Variants in PGM5 observed in about 807,000 individuals in gnomAD.
The protein encoded by PGM5 is phosphoglucomutase-like protein 5.
Under a neutral mutation model 59.2 loss-of-function variants are expected in PGM5, and 23 were observed. That is an observed-to-expected ratio of 0.39 (90% CI 0.28 to 0.55). PGM5 has a LOEUF of 0.55. Among genes scored for constraint, PGM5 ranks in the 20% least tolerant of loss-of-function variants. PGM5 has a pLI of 0.66. For missense variants in PGM5, 574 were observed against 748.3 expected (o/e 0.77, Z 2.72); for synonymous variants, 214 against 286.0 (o/e 0.75, Z 2.54).
chr9:68,481,113 T>C (rs1554687104), intron 8 of PGM5, among the ~76,000 whole-genome samples: 1 of 152,212 alleles, frequency 6.6e-6, no homozygotes, highest in African/African-American at 2.4e-5. Context: ...TTTCAAGAGC[T>C]TAAGGGACAG....
At chr9:68,497,662 A>T (rs1824503326) in intron 9 of PGM5, 1 of 152,260 alleles carries the variant, frequency 6.6e-6, no homozygotes, top group South Asian at 2.1e-4. Context: ...TTGAGGCCAG[A>T]GAAATTTCAA....
chr9:68,488,374 A>G (rs1824332954), intron 9 of PGM5, among the ~76,000 whole-genome samples: 1 of 152,374 alleles, frequency 6.6e-6, no homozygotes, highest in South Asian at 2.1e-4. Context: ...TGTTTCACAT[A>G]CATCTCCAGA....
Position 68,473,049 on chromosome 9 carries a change from T to A in PGM5, c.1160-6369T>A, listed in dbSNP as rs1824046864. ...TTGCTTTTTCACCTGATGTTAAAGA[T>A]CTGAACATAAGTGGTTTGAGAAATG... On this transcript the variant is annotated intron_variant, in intron 7 of 10. Transcript: ENST00000396396. Among the ~76,000 whole-genome samples, 3 of 152,288 alleles carry A rather than the reference T, an allele frequency of 2.0e-5. No homozygotes were observed. In the South Asian group the frequency reaches 6.2e-4, roughly 32 times the overall value.
intron 3 of PGM5, 97 bp from the exon 4 acceptor site, chr9:68,387,366 A>T: frequency 9.4e-7 from 1 of 1,060,016 alleles, no homozygotes; most frequent in Non-Finnish European, 1.4e-6. Context: ...GCTTGTGACC[A>T]GAATTTCATG....
chr9:68,373,251 A>G (rs1472926963), intron 1 of PGM5, among the ~76,000 whole-genome samples: 1 of 148,472 alleles, frequency 6.7e-6, no homozygotes, highest in African/African-American at 2.5e-5. Flanking sequence ...CATCTCCTCC[A>G]GTACTTATCC....
intron 10 of PGM5, among the ~76,000 whole-genome samples, chr9:68,529,078 A>G (rs1439222611): frequency 6.6e-6 from 1 of 151,978 alleles, no homozygotes; most frequent in Non-Finnish European, 1.5e-5. Context: ...AACGTTGGCC[A>G]ATGAATTGGT....
intron 6 of PGM5, chr9:68,402,412 C>T (rs1411657368): frequency 6.6e-6 from 1 of 152,232 alleles, no homozygotes; most frequent in Non-Finnish European, 1.5e-5. Context: ...AGAATCATTG[C>T]TCTCTTTGAA....
intron 10 of PGM5, among the ~76,000 whole-genome samples, chr9:68,526,986 G>T (rs10125634): frequency 0.1 from 15,440 of 152,214 alleles, 2,576 homozygotes; most frequent in African/African-American, 0.35. Context: ...CTGCTGAAGG[G>T]AGAAGTAGGT....
intron 10 of PGM5, among the ~76,000 whole-genome samples, chr9:68,508,374 CT>C (rs1453300954): frequency 6.6e-6 from 1 of 152,190 alleles, no homozygotes; most frequent in Non-Finnish European, 1.5e-5. Flanking sequence ...TATATTTCTC[CT>C]TTCTACTTTC....
At chr9:68,378,880 G>A (rs1456208887) in intron 2 of PGM5, among the ~76,000 whole-genome samples, 2 of 151,404 alleles carry the variant, frequency 1.3e-5, no homozygotes, top group Non-Finnish European at 2.9e-5. Context: ...TAGTGGAGGG[G>A]GTGGGATATA....
intron 8 of PGM5, among the ~76,000 whole-genome samples, chr9:68,481,747 A>T (rs1000037025): frequency 6.6e-6 from 1 of 152,252 alleles, no homozygotes; most frequent in African/African-American, 2.4e-5. Flanking sequence ...TATGCAATAC[A>T]GATTTAATTT....
At chr9:68,442,670 C>T (rs1554683762) in intron 6 of PGM5, among the ~76,000 whole-genome samples, 1 of 152,186 alleles carries the variant, frequency 6.6e-6, no homozygotes, top group Non-Finnish European at 1.5e-5. Flanking sequence ...TAAAGCAATT[C>T]ATATGAGAAG....
intron 6 of PGM5, chr9:68,393,872 A>G (rs1182602398): frequency 2.6e-5 from 4 of 152,176 alleles, no homozygotes; most frequent in Non-Finnish European, 4.4e-5. Flanking sequence ...AATGTCCATC[A>G]ACAGGAGATT....
chr9:68,499,883 G>A (rs1824544318), intron 10 of PGM5, among the ~76,000 whole-genome samples: 1 of 152,162 alleles, frequency 6.6e-6, no homozygotes, highest in Non-Finnish European at 1.5e-5. Context: ...AGACTGTTTG[G>A]CAAAGTCTCC....
rs1554679435 is a variant in PGM5, at chr9:68,391,520, G to A, written c.698-14G>A. 1.9e-6 allele frequency: 3 copies of A among 1,612,648 alleles called. No individual in the cohort carries two copies. Among genetic ancestry groups the A allele is most frequent in the Non-Finnish European group, 2.5e-6 (3 of 1,179,368 alleles). On this transcript the variant is annotated splice_polypyrimidine_tract_variant and intron_variant, in intron 4 of 10. Coordinates refer to ENST00000396396, the MANE Select transcript of PGM5 (RefSeq NM_021965.4). The stretch of plus-strand genomic sequence containing the variant: ...TTCTGCAAATATTTAATATTGCTGT[G>A]TATCTATTTTTAGTTATGGGACCTT...
At chr9:68,360,309 T>C (rs1834552350) in intron 1 of PGM5, among the ~76,000 whole-genome samples, 1 of 151,276 alleles carries the variant, frequency 6.6e-6, no homozygotes, top group Non-Finnish European at 1.5e-5. Flanking sequence ...AAATTAAAAA[T>C]ATAATATCAA....
chr9:68,503,684 T>C (rs561067537), intron 10 of PGM5, among the ~76,000 whole-genome samples: 37 of 152,248 alleles, frequency 2.4e-4, no homozygotes, highest in Non-Finnish European at 4.7e-4. Context: ...AAACTAGCAA[T>C]GAAACCTGGA....
intron 6 of PGM5, among the ~76,000 whole-genome samples, chr9:68,408,071 G>T (rs1457278665): frequency 6.6e-6 from 1 of 152,220 alleles, no homozygotes; most frequent in African/African-American, 2.4e-5. Flanking sequence ...GGTACTCTAG[G>T]GAGAGACTTG....
chr9:68,454,282 G>A (rs546468994), intron 6 of PGM5, among the ~76,000 whole-genome samples: 6 of 152,114 alleles, frequency 3.9e-5, no homozygotes, highest in East Asian at 1.9e-4. Context: ...GGGATGGGAC[G>A]CTGGTAGCCC....
Sources: gnomAD v4.1 joint callset for allele counts (sites outside exome capture counted in the v4.1 genomes callset) on GRCh38, gnomAD v4.1.1 for gene constraint, MANE v1.5 for transcripts, NCBI Gene and HGNC (gene_info 2026-07-23, HGNC 2026-07-21) for gene names.